Variants in ALK observed in about 807,000 individuals in gnomAD.
ALK encodes the protein ALK receptor tyrosine kinase, also known as ALK tyrosine kinase receptor.
A neutral mutation model predicts 163.1 loss-of-function variants in ALK; 74 were observed. The observed-to-expected ratio is 0.45, with a 90% CI of 0.38 to 0.55. The LOEUF (loss-of-function observed/expected upper bound fraction) is 0.55, where lower values mean the gene tolerates loss of function less well. Among genes scored for constraint, ALK ranks in the 20% least tolerant of loss-of-function variants. The pLI, the probability that ALK is intolerant of heterozygous loss-of-function variation, is 0.00. For synonymous variants in ALK, 960 were observed against 843.2 expected (o/e 1.14, Z -2.40); for missense variants, 2,063 against 2,105.3 (o/e 0.98, Z 0.39).
At chr2:29,498,465 G>A (rs139851621) in intron 4 of ALK, among the ~76,000 whole-genome samples, 2 of 152,076 alleles carry the variant, frequency 1.3e-5, no homozygotes, top group East Asian at 3.9e-4. Context: ...TCTCTGTGTC[G>A]ACCTCATCCG....
In ALK at chr2:29,438,297, T is replaced by C. The variant is rs146730733; in HGVS notation, c.1155-54438A>G. 9.0e-3 allele frequency among the ~76,000 whole-genome samples: 1,364 copies of C among 152,308 alleles called. 13 individuals carry two copies. Among genetic ancestry groups the C allele is most frequent in the African/African-American group, 0.031 (1,301 of 41,574 alleles). On this transcript the variant is annotated intron_variant, in intron 4 of 28. Coordinates refer to ENST00000389048, the MANE Select transcript of ALK (RefSeq NM_004304.5). ...GTTCAAAGTTCAAACATCTTATAAG[T>C]ATTAGAGTTTGAACCAGGTCATCTT...
chr2:29,353,690 T>C (rs1177182759), intron 5 of ALK, among the ~76,000 whole-genome samples: 1 of 152,022 alleles, frequency 6.6e-6, no homozygotes, highest in East Asian at 1.9e-4. Flanking sequence ...TTCAATATTT[T>C]CTAGTGGAGA....
intron 3 of ALK, among the ~76,000 whole-genome samples, chr2:29,664,733 C>T (rs1677456425): frequency 6.6e-6 from 1 of 152,142 alleles, no homozygotes; most frequent in Non-Finnish European, 1.5e-5. Context: ...TCAGGAGTGA[C>T]AGCATAATGG....
intron 3 of ALK, among the ~76,000 whole-genome samples, chr2:29,584,745 C>T (rs1674831743): frequency 6.6e-6 from 1 of 152,164 alleles, no homozygotes; most frequent in Non-Finnish European, 1.5e-5. Context: ...TGCACCTGAG[C>T]ATGGTGACAT....
At position 29,577,841 on chromosome 2, in the gene ALK, C is replaced by T. The variant is rs148998676; in HGVS notation, c.953-45725G>A. 4.4e-4 allele frequency among the ~76,000 whole-genome samples: 67 copies of T among 152,314 alleles called. No individual in the cohort carries two copies. In the East Asian group the frequency reaches 0.011, roughly 25 times the overall value. On this transcript the variant is annotated intron_variant, in intron 3 of 28. Coordinates refer to ENST00000389048, the MANE Select transcript of ALK (RefSeq NM_004304.5). The stretch of plus-strand genomic sequence containing the variant: ...CCTAAATGGACACTATAAGCCAATT[C>T]GTCAGACACCCAAGACCTGTCTTTT...
intron 3 of ALK, among the ~76,000 whole-genome samples, chr2:29,592,930 C>G (rs906069067): frequency 3.9e-5 from 6 of 152,170 alleles, no homozygotes; most frequent in African/African-American, 1.4e-4. Flanking sequence ...AATGGCCCCG[C>G]TGCAACTTGA....
intron 1 of ALK, among the ~76,000 whole-genome samples, chr2:29,778,385 G>A (rs1681237578): frequency 6.6e-6 from 1 of 152,198 alleles, no homozygotes; most frequent in African/African-American, 2.4e-5. Context: ...CTCCAAGGAA[G>A]GGTCATGGTC....
chr2:29,203,258 A>G (rs1669225929), intron 26 of ALK, among the ~76,000 whole-genome samples: 1 of 152,002 alleles, frequency 6.6e-6, no homozygotes, highest in South Asian at 2.1e-4. Flanking sequence ...GGCAGCTCTG[A>G]CTATTTGTGG....
At chr2:29,811,556 G>A (rs1245289023) in intron 1 of ALK, among the ~76,000 whole-genome samples, 1 of 152,194 alleles carries the variant, frequency 6.6e-6, no homozygotes, top group Non-Finnish European at 1.5e-5. Flanking sequence ...ACTGACAGGT[G>A]TGAGATGGAA....
intron 1 of ALK, among the ~76,000 whole-genome samples, chr2:29,839,487 C>A (rs909006109): frequency 6.6e-6 from 1 of 152,024 alleles, no homozygotes; most frequent in African/African-American, 2.4e-5. Context: ...AGGATAATTG[C>A]GGCAATTTTC....
chr2:29,745,210 A>C (rs553892557), intron 1 of ALK, among the ~76,000 whole-genome samples: 2 of 152,324 alleles, frequency 1.3e-5, no homozygotes, highest in Admixed American at 6.5e-5. Context: ...CATTTTACCG[A>C]AGAAGAAACT....
At position 29,193,608 on chromosome 2, in the gene ALK, G is replaced by T; in HGVS notation, c.4479C>A (p.His1493Gln). 6.2e-7 allele frequency: 1 copy of T among 1,614,224 alleles called. No individual in the cohort carries two copies. The highest frequency in any genetic ancestry group is 8.5e-7 in the Non-Finnish European group (1 of 1,180,040). Residue 1493 changes from histidine to glutamine, a missense_variant, in exon 29 of 29, where the codon CAC (histidine) becomes CAA (glutamine). Physicochemically the swap from His to Gln is conservative, Grantham distance 24. This residue lies in a region of ALK where 403 missense variants were observed against 366.2 expected (regional missense o/e 1.10). Transcript: ENST00000389048. Reference sequence around the variant, plus strand: ...AGCTGGTGGGCTTGTTTCTGGATCCGTGGACCTTGTGCAACTCCGAAGGAG... The same window carrying T: ...AGCTGGTGGGCTTGTTTCTGGATCCTTGGACCTTGTGCAACTCCGAAGGAG... ...SNPPSELHKV[H>Q]GSRNKPTSLW...
intron 1 of ALK, among the ~76,000 whole-genome samples, chr2:29,774,901 G>A (rs1341084754): frequency 6.6e-6 from 1 of 152,182 alleles, no homozygotes; most frequent in Non-Finnish European, 1.5e-5. Context: ...CAAAAGGGAT[G>A]ATTCTAAAAT....
At chr2:29,519,557 C>T (rs571073497) in intron 4 of ALK, among the ~76,000 whole-genome samples, 2 of 152,312 alleles carry the variant, frequency 1.3e-5, no homozygotes, top group Admixed American at 6.5e-5. Context: ...GCTCACATCC[C>T]ACACACAATG....
At chr2:29,331,343 C>A (rs931554193) in intron 5 of ALK, among the ~76,000 whole-genome samples, 1 of 152,106 alleles carries the variant, frequency 6.6e-6, no homozygotes, top group Non-Finnish European at 1.5e-5. Flanking sequence ...TCACCCAACA[C>A]GGATGGAAAA....
intron 1 of ALK, among the ~76,000 whole-genome samples, chr2:29,794,391 C>CT (rs1191241866): frequency 1.3e-5 from 2 of 152,096 alleles, no homozygotes; most frequent in African/African-American, 4.8e-5. Flanking sequence ...GGCTGTTTTG[C>CT]TTTAAAAAAA....
intron 1 of ALK, among the ~76,000 whole-genome samples, chr2:29,801,388 G>A (rs1158079683): frequency 1.3e-5 from 2 of 151,976 alleles, no homozygotes; most frequent in Non-Finnish European, 2.9e-5. Context: ...AAACAACAAC[G>A]AGAAAAAAAC....
chr2:29,335,689 T>A (rs1234071312), intron 5 of ALK, among the ~76,000 whole-genome samples: 1 of 152,098 alleles, frequency 6.6e-6, no homozygotes, highest in Non-Finnish European at 1.5e-5. Context: ...TAAGGAATAT[T>A]TTTGATGTTC....
At chr2:29,821,369 C>G (rs899989657) in intron 1 of ALK, among the ~76,000 whole-genome samples, 2 of 152,090 alleles carry the variant, frequency 1.3e-5, no homozygotes, top group Non-Finnish European at 2.9e-5. Context: ...CATCTCCCCT[C>G]CCCTCAAGGA....
Sources: allele counts gnomAD v4.1 joint callset (sites outside exome capture counted in the v4.1 genomes callset), GRCh38; gene constraint gnomAD v4.1.1; regional missense constraint gnomAD v4.1.1; transcripts MANE v1.5; gene names NCBI Gene and HGNC (gene_info 2026-07-23, HGNC 2026-07-21).